Variants in HAL observed in about 807,000 individuals in gnomAD.
HAL encodes the protein histidine ammonia-lyase.
Under a neutral mutation model 81.1 loss-of-function variants are expected in HAL, and 85 were observed. The observed-to-expected ratio is 1.05, with a 90% confidence interval of 0.88 to 1.25. The LOEUF (loss-of-function observed/expected upper bound fraction) is 1.25. Ranked by LOEUF, HAL falls within the 50% of genes most tolerant of loss-of-function variation. The pLI is 0.00. For synonymous variants in HAL, 301 were observed against 309.2 expected, an observed-to-expected ratio of 0.97 and a Z score of 0.28; for missense variants, 798 against 836.6, an observed-to-expected ratio of 0.95 and a Z score of 0.57.
chr12:95,980,769 T>C, intron 16 of HAL, 29 bp downstream of exon 16: 4 of 1,602,056 alleles, frequency 2.5e-6, no homozygotes, highest in African/African-American at 1.3e-5. Flanking sequence ...ATGTGCCTTC[T>C]GGGTCAGGAG....
chr12:95,994,888 G>A (rs376753183), intron 3 of HAL, 45 bp downstream of exon 3: 22 of 1,607,852 alleles, frequency 1.4e-5, no homozygotes, highest in Non-Finnish European at 1.9e-5. Context: ...ACCATCTGCA[G>A]GAGCCACCCC....
At chr12:95,989,578 C>A (rs1949943402) in intron 10 of HAL, 1 of 152,582 alleles carries the variant, frequency 6.6e-6, no homozygotes, top group Non-Finnish European at 1.5e-5. Context: ...AAACAAGACC[C>A]TTGAAAGCCA....
chr12:95,987,826 A>T (rs1009648290), intron 11 of HAL, among the ~76,000 whole-genome samples: 1 of 145,548 alleles, frequency 6.9e-6, no homozygotes, highest in African/African-American at 2.5e-5. Context: ...CTCCCACCTT[A>T]GCCTCCAGGG....
intron 9 of HAL, among the ~76,000 whole-genome samples, chr12:95,992,022 A>C (rs892093102): frequency 1.3e-5 from 2 of 152,126 alleles, no homozygotes; most frequent in Non-Finnish European, 2.9e-5. Context: ...AAGAGTTCTG[A>C]GTCTCCACTG....
intron 2 of HAL, 139 bp downstream of exon 2, chr12:95,995,525 G>A (rs951500288): frequency 9.0e-7 from 1 of 1,108,450 alleles, no homozygotes; most frequent in Non-Finnish European, 1.3e-6. Context: ...CCCCAGAGGC[G>A]TGGCATGTGC....
At chr12:95,995,605 G>A in intron 2 of HAL, 59 bp downstream of exon 2, 1 of 1,605,436 alleles carries the variant, frequency 6.2e-7, no homozygotes, top group South Asian at 1.1e-5. Context: ...GTTCAATGCT[G>A]CAAAGACTAA....
chr12:95,976,618 G>C lies in HAL; in HGVS notation c.1743C>G (p.Asp581Glu). 6.2e-7 allele frequency: 1 copy of C among 1,609,776 alleles called. No individual in the cohort carries two copies. ...CTTACCTTACAACAGAGCGCACCAG[G>C]TCATAGACCTTCTCCAGCGGAGTGG... ...KTTTPLEKVYDLVRSVVRPWI... is the reference protein window; with the variant it reads ...KTTTPLEKVYELVRSVVRPWI... Residue 581 changes from aspartate to glutamate, a missense_variant, in exon 19 of 21, where the codon GAC becomes GAG. Coordinates refer to ENST00000261208, the MANE Select transcript of HAL (RefSeq NM_002108.4).
In HAL at chr12:95,996,000, A is replaced by G. The variant is rs1437572713; in HGVS notation, c.-81-9T>C. ...TACCGGGGTGTGGTCAGCTGGAAGG[A>G]TGAGAATAGACTTTCAAACCACTCC... On this transcript the variant is annotated splice_polypyrimidine_tract_variant and intron_variant, in intron 1 of 20. Transcript: ENST00000261208. The G allele has an allele frequency of 7.5e-7, 1 of 1,330,224 alleles. No homozygotes were observed. 82.4% of individuals were successfully genotyped at this position (1,330,224 alleles called of 1,614,324 possible). A position where few individuals can be genotyped will look rare whatever the true frequency, so the allele number is the denominator to read the frequency against.
intron 11 of HAL, 112 bp from the exon 12 acceptor site, chr12:95,987,326 T>A: frequency 2.3e-6 from 2 of 873,192 alleles, no homozygotes; most frequent in South Asian, 2.7e-5. Flanking sequence ...GTCATAAACA[T>A]AAAAAATTAT....
chr12:95,987,317 T>A (rs536543336), intron 11 of HAL, 103 bp from the exon 12 acceptor site: 9 of 920,012 alleles, frequency 9.8e-6, no homozygotes, highest in Non-Finnish European at 1.5e-5. Flanking sequence ...AATTAGCCAG[T>A]CATAAACATA....
chr12:95,986,332 C>T (rs189716183), intron 12 of HAL, among the ~76,000 whole-genome samples, 172 bp from the exon 13 acceptor site: 5 of 152,018 alleles, frequency 3.3e-5, no homozygotes, highest in African/African-American at 7.2e-5. Context: ...CATGCCAGGT[C>T]GAGTAATTCT....
chr12:95,994,649 C>G (rs1950010701), intron 4 of HAL, 149 bp downstream of exon 4: 2 of 839,058 alleles, frequency 2.4e-6, no homozygotes, highest in Non-Finnish European at 4.1e-6. Flanking sequence ...CTCGGCCACC[C>G]AAAGTGCTGG....
chr12:95,978,538 A>G (rs988428309), intron 17 of HAL, among the ~76,000 whole-genome samples: 1 of 152,146 alleles, frequency 6.6e-6, no homozygotes, highest in Non-Finnish European at 1.5e-5. Flanking sequence ...ACATAAATGG[A>G]TGTAAACAGG....
intron 12 of HAL, 96 bp from the exon 13 acceptor site, chr12:95,986,256 C>T: frequency 1.3e-6 from 1 of 772,250 alleles, no homozygotes; most frequent in Non-Finnish European, 2.2e-6. Context: ...TGGTTTCAAA[C>T]TCCTGGGCTC....
intron 10 of HAL, 125 bp from the exon 11 acceptor site, chr12:95,988,365 C>T (rs1231524588): frequency 7.1e-6 from 5 of 707,364 alleles, no homozygotes; most frequent in Non-Finnish European, 1.3e-5. Context: ...ATGAGACCTA[C>T]AGGAACTGGC....
chr12:95,995,554 G>C, intron 2 of HAL, 110 bp downstream of exon 2: 1 of 1,487,456 alleles, frequency 6.7e-7, no homozygotes, highest in Non-Finnish European at 9.3e-7. Context: ...GGCCAGCCTC[G>C]GCAAGCCTGA....
Position 95,987,115 on chromosome 12 carries a change from C to A in HAL, c.1003G>T (p.Ala335Ser), listed in dbSNP as rs752292458. 3 of 1,613,446 alleles carry A rather than the reference C, an allele frequency of 1.9e-6. No homozygotes were observed. Among genetic ancestry groups the A allele is most frequent in the Non-Finnish European group, 2.5e-6 (3 of 1,179,366 alleles). Residue 335 changes from alanine to serine, a missense_variant, in exon 12 of 21, where the codon GCC (alanine) becomes TCC (serine). Ala to Ser is a moderately conservative substitution (Grantham distance 99, BLOSUM62 1). Transcript: ENST00000261208. ...AIARQADIVAALTLEVLKGTT... is the reference protein window; with the variant it reads ...AIARQADIVASLTLEVLKGTT... ...CCCTTCAGCACCTCAAGGGTCAGGG[C>A]TGCCACAATGTCAGCCTGCCGTGCA...
At chr12:95,993,892 T>C (rs1950001368) in intron 6 of HAL, 34 bp downstream of exon 6, 3 of 1,488,612 alleles carry the variant, frequency 2.0e-6, no homozygotes, top group Non-Finnish European at 1.9e-6. Context: ...TGTTTGTTTA[T>C]AAAAATATTT....
chr12:95,978,543 A>C (rs1351243126), intron 17 of HAL, among the ~76,000 whole-genome samples: 1 of 152,160 alleles, frequency 6.6e-6, no homozygotes, highest in Non-Finnish European at 1.5e-5. Flanking sequence ...AATGGATGTA[A>C]ACAGGGGCTC....
Sources: allele counts gnomAD v4.1 joint callset (sites outside exome capture counted in the v4.1 genomes callset), GRCh38; gene constraint gnomAD v4.1.1; transcripts MANE v1.5; gene names NCBI Gene and HGNC (gene_info 2026-07-23, HGNC 2026-07-21).